PARVA: variants seen among roughly 807,000 people sequenced by gnomAD.
PARVA encodes the protein parvin alpha.
A neutral mutation model predicts 52.6 loss-of-function variants in PARVA; 25 were observed. The ratio of observed to expected loss-of-function variants is 0.48; its 90% confidence interval spans 0.35 to 0.66. The LOEUF (loss-of-function observed/expected upper bound fraction) is 0.66, where lower values mean the gene tolerates loss of function less well. Among genes scored for constraint, PARVA ranks in the 30% least tolerant of loss-of-function variants. PARVA has a pLI of 0.01. For missense variants in PARVA, 373 were observed against 450.9 expected (o/e 0.83, Z 1.56); for synonymous variants, 185 against 179.1 (o/e 1.03, Z -0.26).
intron 1 of PARVA, among the ~76,000 whole-genome samples, chr11:12,418,382 G>A (rs937305604): frequency 2.0e-5 from 3 of 152,184 alleles, no homozygotes; most frequent in African/African-American, 4.8e-5. Context: ...CTTGAGGGCC[G>A]TAGTGGTGAC....
chr11:12,407,076 T>G (rs1939923319), intron 1 of PARVA, among the ~76,000 whole-genome samples: 1 of 152,216 alleles, frequency 6.6e-6, no homozygotes, highest in Non-Finnish European at 1.5e-5. Flanking sequence ...CTGGAATTAC[T>G]GGGTCAAAAG....
rs554757024 is a variant in PARVA, at chr11:12,473,645, G to GT, written c.137-93dup. 53 of 878,644 alleles carry GT rather than the reference G, an allele frequency of 6.0e-5. No individual in the cohort carries two copies. In the African/African-American group the frequency reaches 7.6e-4, roughly 13 times the overall value. The allele number at this position is 878,644 out of a possible 1,614,324, so 54.4% of individuals were successfully genotyped here. ...AACAGCTGTAATCTACCCTTAGTGG[G>GT]TTTTTTTCTCAATGTCAATATCGAA... On this transcript the variant is annotated intron_variant, in intron 1 of 12. Coordinates refer to ENST00000334956, the MANE Select transcript of PARVA (RefSeq NM_018222.5).
At chr11:12,442,643 G>A (rs1033717151) in intron 1 of PARVA, among the ~76,000 whole-genome samples, 4 of 151,988 alleles carry the variant, frequency 2.6e-5, no homozygotes, top group Non-Finnish European at 4.4e-5. Context: ...TCTTAGGGGT[G>A]CAGCCTAAGA....
At chr11:12,428,672 G>C (rs371762039) in intron 1 of PARVA, among the ~76,000 whole-genome samples, 2 of 152,230 alleles carry the variant, frequency 1.3e-5, no homozygotes, top group South Asian at 2.1e-4. Context: ...ATTTGGCTCA[G>C]TGTCGGGTGC....
At chr11:12,492,730 G>A (rs561957733) in intron 4 of PARVA, among the ~76,000 whole-genome samples, 2 of 151,970 alleles carry the variant, frequency 1.3e-5, no homozygotes, top group East Asian at 1.9e-4. Context: ...GACTCAAACC[G>A]CAATAGGACT....
At chr11:12,392,266 C>CTT (rs113647098) in intron 1 of PARVA, among the ~76,000 whole-genome samples, 185 of 136,190 alleles carry the variant, frequency 1.4e-3, no homozygotes, top group African/African-American at 4.3e-3. Context: ...TACTTCATTC[C>CTT]TTTTTTTTTT....
chr11:12,440,227 G>A (rs539501008), intron 1 of PARVA, among the ~76,000 whole-genome samples: 1 of 152,316 alleles, frequency 6.6e-6, no homozygotes, highest in African/African-American at 2.4e-5. Context: ...GGACACAGTG[G>A]CTTTTTTGGT....
intron 1 of PARVA, among the ~76,000 whole-genome samples, chr11:12,421,922 G>A (rs1940157233): frequency 6.6e-6 from 1 of 152,188 alleles, no homozygotes; most frequent in South Asian, 2.1e-4. Context: ...TGATTGAGTA[G>A]TTCAAGATCT....
intron 1 of PARVA, among the ~76,000 whole-genome samples, chr11:12,457,935 A>T (rs1376078700): frequency 6.6e-6 from 1 of 152,218 alleles, no homozygotes; most frequent in Non-Finnish European, 1.5e-5. Flanking sequence ...GTGCTCCTTC[A>T]CCACTGGAGC....
intron 4 of PARVA, among the ~76,000 whole-genome samples, chr11:12,491,150 C>T (rs1941228853): frequency 6.6e-6 from 1 of 152,130 alleles, no homozygotes; most frequent in East Asian, 1.9e-4. Context: ...TTGCCAAATA[C>T]TATATACAAG....
rs143232131 is a variant in PARVA at position 12,490,261 on chromosome 11, C to T, written c.401-6197C>T. Among the ~76,000 whole-genome samples, 443 of 147,464 alleles carry T rather than the reference C, an allele frequency of 3.0e-3. 5 individuals are homozygous for T. Among genetic ancestry groups the T allele is most frequent in the African/African-American group, 0.01 (409 of 39,968 alleles). On this transcript the variant is annotated intron_variant, in intron 4 of 12. Transcript: ENST00000334956. ...AGGAGAGGCGGGGCTCAGTGACTCA[C>T]GCCTGTAATCCCAGCACTTTGGGAG... is the stretch of plus-strand genomic sequence containing the variant.
intron 12 of PARVA, among the ~76,000 whole-genome samples, chr11:12,524,691 C>T (rs758034156): frequency 6.6e-6 from 1 of 152,212 alleles, no homozygotes; most frequent in Admixed American, 6.5e-5. Context: ...CTCTTGGGAG[C>T]GCGTGGCCCT....
chr11:12,412,623 A>G (rs920606847), intron 1 of PARVA, among the ~76,000 whole-genome samples: 10 of 152,240 alleles, frequency 6.6e-5, no homozygotes, highest in Non-Finnish European at 1.2e-4. Flanking sequence ...TAGCAAGGAC[A>G]GGATGTACCA....
intron 1 of PARVA, among the ~76,000 whole-genome samples, chr11:12,391,880 C>T (rs988315136): frequency 2.6e-5 from 4 of 152,138 alleles, no homozygotes; most frequent in Non-Finnish European, 5.9e-5. Flanking sequence ...TATTGAGATA[C>T]AATTCACCCA....
At chr11:12,422,967 G>T (rs1235949822) in intron 1 of PARVA, among the ~76,000 whole-genome samples, 2 of 152,016 alleles carry the variant, frequency 1.3e-5, no homozygotes, top group African/African-American at 2.4e-5. Context: ...CAATTCTCGC[G>T]CCTCAGCCTC....
At chr11:12,474,106 G>A (rs986371270) in intron 3 of PARVA, 123 bp downstream of exon 3, 6 of 747,680 alleles carry the variant, frequency 8.0e-6, no homozygotes, top group Non-Finnish European at 1.4e-5. Flanking sequence ...GGCAGCCCCT[G>A]CCTCAGGCAG....
chr11:12,514,172 T>A (rs918271598), intron 10 of PARVA, 107 bp downstream of exon 10: 79 of 812,134 alleles, frequency 9.7e-5, no homozygotes, highest in Non-Finnish European at 1.1e-4. Flanking sequence ...CTGAGGGGGA[T>A]GAGGGCATGG....
chr11:12,486,181 G>T (rs1348784681), intron 4 of PARVA, among the ~76,000 whole-genome samples: 1 of 152,162 alleles, frequency 6.6e-6, no homozygotes, highest in Non-Finnish European at 1.5e-5. Flanking sequence ...CATAGGAATT[G>T]TCTGTACTGT....
chr11:12,521,299 C>T (rs1457216612), intron 12 of PARVA, among the ~76,000 whole-genome samples: 1 of 152,202 alleles, frequency 6.6e-6, no homozygotes, highest in Non-Finnish European at 1.5e-5. Flanking sequence ...AAATGTTCAA[C>T]TCCCCCATTC....
Sources: gnomAD v4.1 joint callset for allele counts (sites outside exome capture counted in the v4.1 genomes callset) on GRCh38, gnomAD v4.1.1 for gene constraint, MANE v1.5 for transcripts, NCBI Gene and HGNC (gene_info 2026-07-23, HGNC 2026-07-21) for gene names.